DAB1: variants seen among roughly 807,000 people sequenced by gnomAD.
DAB1 encodes the protein DAB adaptor protein 1, also known as disabled homolog 1.
DAB1 carries 15 observed loss-of-function variants against 64.6 expected under a neutral mutation model. The observed-to-expected ratio is 0.23, with a 90% confidence interval of 0.16 to 0.36. The LOEUF (loss-of-function observed/expected upper bound fraction) is 0.36. DAB1 is among the 10% of genes least tolerant of loss of function. The pLI is 1.00. For synonymous variants in DAB1, 235 were observed against 251.9 expected (o/e 0.93, Z 0.64); for missense variants, 596 against 706.7 (o/e 0.84, Z 1.78).
chr1:58,460,402 G>A (rs553211396), intron 3 of DAB1, among the ~76,000 whole-genome samples: 2 of 152,278 alleles, frequency 1.3e-5, no homozygotes, highest in South Asian at 4.2e-4. Flanking sequence ...TTGGGGTGTT[G>A]TGTTTGGAGA....
chr1:58,085,753 G>A (rs944627165), intron 5 of DAB1, among the ~76,000 whole-genome samples: 26 of 151,696 alleles, frequency 1.7e-4, no homozygotes, highest in African/African-American at 6.0e-4. Flanking sequence ...CCCCCTACAC[G>A]CTCCAACCCT....
chr1:57,468,386 A>G (rs965048211), intron 7 of DAB1, among the ~76,000 whole-genome samples: 3 of 152,220 alleles, frequency 2.0e-5, no homozygotes, highest in Admixed American at 2.0e-4. Flanking sequence ...TTGGAGTCAG[A>G]CTACAGAAAA....
At chr1:57,490,227 T>C (rs1488739472) in intron 7 of DAB1, among the ~76,000 whole-genome samples, 2 of 152,182 alleles carry the variant, frequency 1.3e-5, no homozygotes, top group Non-Finnish European at 2.9e-5. Context: ...GCACACTGAA[T>C]GAACTAAGAC....
At chr1:57,050,392 C>T (rs1649063264) in intron 9 of DAB1, among the ~76,000 whole-genome samples, 1 of 152,212 alleles carries the variant, frequency 6.6e-6, no homozygotes, top group Non-Finnish European at 1.5e-5. Flanking sequence ...CTCAGCACCA[C>T]ATTTCAGACC....
chr1:57,213,293 AT>A, intron 2 of DAB1, among the ~76,000 whole-genome samples: 1 of 152,262 alleles, frequency 6.6e-6, no homozygotes, highest in East Asian at 1.9e-4. Flanking sequence ...ATTTTTGACA[AT>A]CTTTTTCTTT....
chr1:58,526,601 C>CAAAAAAAA (rs10574530), intron 2 of DAB1, among the ~76,000 whole-genome samples: 1 of 121,404 alleles, frequency 8.2e-6, no homozygotes, highest in African/African-American at 3.5e-5. Context: ...CTATGGCTAG[C>CAAAAAAAA]AAAAAAAAAA....
chr1:57,744,747 CAGGTGTG>C (rs1648180784), intron 6 of DAB1, among the ~76,000 whole-genome samples: 1 of 152,148 alleles, frequency 6.6e-6, no homozygotes, highest in South Asian at 2.1e-4. Context: ...TCTCCACTGG[CAGGTGTG>C]AGGCGTGTTC....
chr1:57,611,963 T>G (rs1361558), intron 7 of DAB1, among the ~76,000 whole-genome samples: 142,655 of 152,156 alleles, frequency 0.94, 67,148 homozygotes, highest in East Asian at 1. Flanking sequence ...GTCACTGGCC[T>G]CTTTGCTTTT....
intron 7 of DAB1, among the ~76,000 whole-genome samples, chr1:57,592,825 G>A (rs1645460746): frequency 6.6e-6 from 1 of 152,130 alleles, no homozygotes; most frequent in Non-Finnish European, 1.5e-5. Context: ...CTGGCTTGTA[G>A]GTGGCCACCT....
At chr1:57,744,438 CAA>C (rs61701604) in intron 6 of DAB1, among the ~76,000 whole-genome samples, 17 of 118,124 alleles carry the variant, frequency 1.4e-4, no homozygotes, top group East Asian at 2.4e-4. Context: ...AACTCTGTCT[CAA>C]AAAAAAAAAA....
intron 7 of DAB1, among the ~76,000 whole-genome samples, chr1:57,599,226 A>G (rs72908555): frequency 0.23 from 34,009 of 147,156 alleles, 4,675 homozygotes; most frequent in African/African-American, 0.4. Context: ...ATTTTTTTCT[A>G]TAATTGAAAA....
chr1:57,751,261 T>A (rs1282547331), intron 6 of DAB1, among the ~76,000 whole-genome samples: 1 of 152,002 alleles, frequency 6.6e-6, no homozygotes, highest in East Asian at 1.9e-4. Context: ...GGGCATAATA[T>A]AGCTAGAAGG....
intron 3 of DAB1, among the ~76,000 whole-genome samples, chr1:57,138,992 C>T (rs113916001): frequency 4.6e-5 from 7 of 152,086 alleles, no homozygotes; most frequent in Admixed American, 4.6e-4. Context: ...AGTGACTTTC[C>T]CTCACTTGAC....
At chr1:57,653,744 C>A (rs1646283523) in intron 6 of DAB1, among the ~76,000 whole-genome samples, 1 of 152,124 alleles carries the variant, frequency 6.6e-6, no homozygotes, top group Non-Finnish European at 1.5e-5. Flanking sequence ...TCCCCAGTAG[C>A]TGGGAATACA....
At chr1:57,463,682 C>T (rs942650001) in intron 7 of DAB1, among the ~76,000 whole-genome samples, 1 of 152,162 alleles carries the variant, frequency 6.6e-6, no homozygotes, top group Non-Finnish European at 1.5e-5. Context: ...TAGTAAGATT[C>T]GACAGGATTC....
intron 4 of DAB1, among the ~76,000 whole-genome samples, chr1:58,199,343 T>C (rs1363099096): frequency 6.6e-6 from 1 of 152,212 alleles, no homozygotes; most frequent in Non-Finnish European, 1.5e-5. Flanking sequence ...AGAAGAGCTC[T>C]AGTTTATATA....
rs563711474 is a variant in DAB1 at position 57,986,420 on chromosome 1, G to A, written n.388-102258C>T. Among the ~76,000 whole-genome samples the A allele has an allele frequency of 8.5e-5, 13 of 152,256 alleles. No homozygotes were observed. The South Asian group carries it at 2.7e-3, about 32-fold the overall frequency. ...TGTGCCATCTATGAGCCAGAAATCAGGCCCTGACAAGACACTGAATCTGCC... is the reference window on the plus strand; with the variant it reads ...TGTGCCATCTATGAGCCAGAAATCAAGCCCTGACAAGACACTGAATCTGCC... On this transcript the variant is annotated intron_variant and non_coding_transcript_variant, in intron 5 of 20. Transcript: ENST00000485760.
intron 6 of DAB1, among the ~76,000 whole-genome samples, chr1:57,661,135 A>T (rs1008582898): frequency 6.6e-6 from 1 of 152,094 alleles, no homozygotes; most frequent in African/African-American, 2.4e-5. Context: ...TGGGGGAAAA[A>T]AAAAAGGTAC....
rs539245433 is a variant in DAB1, at chr1:57,203,349, C to T, written c.68-57920G>A. ...TGCTTGTACATCCATTTCTTCCTACCGAACCATAAGCTCCTTGGGGACAAG... is the reference window on the plus strand; with the variant it reads ...TGCTTGTACATCCATTTCTTCCTACTGAACCATAAGCTCCTTGGGGACAAG... On this transcript the variant is annotated intron_variant, in intron 2 of 14. Transcript: ENST00000371236. 1.5e-3 allele frequency among the ~76,000 whole-genome samples: 232 copies of T among 152,222 alleles called. 4 individuals carry two copies. In the South Asian group the frequency reaches 0.047, roughly 31 times the overall value.
Sources: allele counts gnomAD v4.1 joint callset (sites outside exome capture counted in the v4.1 genomes callset), GRCh38; gene constraint gnomAD v4.1.1; transcripts MANE v1.5; gene names NCBI Gene and HGNC (gene_info 2026-07-23, HGNC 2026-07-21).